OPCML: variants seen among roughly 807,000 people sequenced by gnomAD.
The protein encoded by OPCML is opioid binding protein/cell adhesion molecule like.
In OPCML, 13 loss-of-function variants were observed where a neutral mutation model predicts 37.8. The observed-to-expected ratio is 0.34, with a 90% CI of 0.22 to 0.55. OPCML has a LOEUF of 0.55. Among genes scored for constraint, OPCML ranks in the 20% least tolerant of loss-of-function variants. The pLI is 0.91. For synonymous variants in OPCML, 176 were observed against 168.8 expected (o/e 1.04, Z -0.33); for missense variants, 341 against 435.6 (o/e 0.78, Z 1.93).
At chr11:133,407,754 G>T (rs1199158306) in intron 1 of OPCML, among the ~76,000 whole-genome samples, 2 of 152,176 alleles carry the variant, frequency 1.3e-5, no homozygotes, top group Admixed American at 6.5e-5. Flanking sequence ...GAGGAGAGTG[G>T]ACTAGGTCAG....
intron 1 of OPCML, among the ~76,000 whole-genome samples, chr11:133,375,731 A>T (rs553212895): frequency 6.6e-6 from 1 of 152,280 alleles, no homozygotes; most frequent in South Asian, 2.1e-4. Context: ...AAAAATGTAT[A>T]GTCTCTATTA....
At chr11:132,707,287 C>T (rs1013042461) in intron 2 of OPCML, among the ~76,000 whole-genome samples, 3 of 152,118 alleles carry the variant, frequency 2.0e-5, no homozygotes, top group African/African-American at 4.8e-5. Context: ...CAGGATGAGA[C>T]GGCAACAAAC....
Position 132,596,985 on chromosome 11 carries a change from C to T in OPCML, c.379+60102G>A, listed in dbSNP as rs143140835. The stretch of plus-strand genomic sequence containing the variant: ...GAATTTCTAGTAGCTATATCACCAC[C>T]CTCACCCCCAACCTACTCCTTCTCT... On this transcript the variant is annotated intron_variant, in intron 3 of 7. Transcript: ENST00000524381. Among the ~76,000 whole-genome samples, 194 of 152,246 alleles carry T rather than the reference C, an allele frequency of 1.3e-3. 1 individual carries two copies. The highest frequency in any genetic ancestry group is 4.6e-3 in the African/African-American group (190 of 41,546).
At chr11:132,950,550 C>G (rs190373941) in intron 1 of OPCML, among the ~76,000 whole-genome samples, 1 of 152,100 alleles carries the variant, frequency 6.6e-6, no homozygotes, top group South Asian at 2.1e-4. Flanking sequence ...GACATCAGGA[C>G]GACAGTGGGA....
At chr11:132,982,477 C>T (rs1401169718) in intron 1 of OPCML, among the ~76,000 whole-genome samples, 1 of 127,688 alleles carries the variant, frequency 7.8e-6, no homozygotes, top group South Asian at 2.4e-4. Context: ...TTGGACAAGA[C>T]AAGAAAGTAA....
intron 1 of OPCML, chr11:133,067,019 G>C (rs965199363): frequency 6.6e-6 from 1 of 152,150 alleles, no homozygotes; most frequent in Non-Finnish European, 1.5e-5. Context: ...AAGTTATCTA[G>C]AGGTAAAACC....
intron 3 of OPCML, among the ~76,000 whole-genome samples, chr11:132,641,800 G>A (rs535822905): frequency 6.6e-6 from 1 of 152,224 alleles, no homozygotes; most frequent in African/African-American, 2.4e-5. Context: ...CAGAACCAAG[G>A]ACTGGGAAGC....
chr11:132,470,555 T>C (rs1470897982), intron 4 of OPCML, among the ~76,000 whole-genome samples: 3 of 152,228 alleles, frequency 2.0e-5, no homozygotes, highest in Non-Finnish European at 4.4e-5. Flanking sequence ...TATGTGAGCA[T>C]GAACGCATGA....
chr11:132,554,674 T>C (rs541638046), intron 3 of OPCML, among the ~76,000 whole-genome samples: 5 of 152,190 alleles, frequency 3.3e-5, no homozygotes, highest in African/African-American at 4.8e-5. Flanking sequence ...CACTGTCACA[T>C]TGAGGTTTGC....
At chr11:133,447,015 G>A (rs1286256140) in intron 1 of OPCML, among the ~76,000 whole-genome samples, 3 of 152,146 alleles carry the variant, frequency 2.0e-5, no homozygotes, top group African/African-American at 7.2e-5. Flanking sequence ...TCTCTTTGCA[G>A]ACATATCTTT....
chr11:132,941,014 C>T (rs1393970449), intron 2 of OPCML, among the ~76,000 whole-genome samples: 2 of 149,174 alleles, frequency 1.3e-5, no homozygotes, highest in Non-Finnish European at 1.5e-5. Context: ...CATGTGCTTA[C>T]TTAAAAAAAA....
intron 1 of OPCML, chr11:133,025,366 G>A: frequency 1.0e-6 from 1 of 985,280 alleles, no homozygotes. Context: ...ATAACTTGTT[G>A]CCTAATGGCT....
At chr11:133,041,813 A>G (rs564283214) in intron 1 of OPCML, among the ~76,000 whole-genome samples, 47 of 152,258 alleles carry the variant, frequency 3.1e-4, no homozygotes, top group African/African-American at 1.1e-3. Flanking sequence ...ACATCACTCT[A>G]TATAGGTCTT....
intron 1 of OPCML, among the ~76,000 whole-genome samples, chr11:133,127,753 T>A (rs1175036849): frequency 6.6e-6 from 1 of 152,036 alleles, no homozygotes; most frequent in South Asian, 2.1e-4. Flanking sequence ...CAATTTATCA[T>A]CTAATTAAGA....
intron 2 of OPCML, among the ~76,000 whole-genome samples, chr11:132,825,828 GA>G (rs1450937855): frequency 1.3e-5 from 2 of 152,218 alleles, no homozygotes; most frequent in Non-Finnish European, 2.9e-5. Flanking sequence ...TTTGGGTTGG[GA>G]GTCCTAGAAA....
At chr11:132,604,513 T>C (rs1938144156) in intron 3 of OPCML, among the ~76,000 whole-genome samples, 1 of 152,192 alleles carries the variant, frequency 6.6e-6, no homozygotes, top group South Asian at 2.1e-4. Context: ...CCCTCTCTGA[T>C]GCCCTTATGA....
At chr11:132,509,290 TA>T (rs1227790060) in intron 4 of OPCML, among the ~76,000 whole-genome samples, 1 of 152,024 alleles carries the variant, frequency 6.6e-6, no homozygotes, top group African/African-American at 2.4e-5. Context: ...CATTCAGTTT[TA>T]AAAGGGAAAC....
chr11:132,464,985 C>A (rs958965519), intron 4 of OPCML, among the ~76,000 whole-genome samples: 1 of 152,024 alleles, frequency 6.6e-6, no homozygotes, highest in Non-Finnish European at 1.5e-5. Flanking sequence ...ATATACATAT[C>A]GATCTTTTTT....
chr11:133,313,448 C>T lies in OPCML; in HGVS notation c.61+218816G>A, dbSNP rs781155867. On this transcript the variant is annotated intron_variant, in intron 1 of 7. Coordinates refer to ENST00000524381, the MANE Select transcript of OPCML (RefSeq NM_001012393.5). Reference sequence around the variant, plus strand: ...CTTCCAAGAACCTGTGAATGCATTACTTTACATGGCAAAAGGGATTTTTGC... The same window carrying T: ...CTTCCAAGAACCTGTGAATGCATTATTTTACATGGCAAAAGGGATTTTTGC... Among the ~76,000 whole-genome samples the T allele has an allele frequency of 3.9e-4, 59 of 152,214 alleles. 1 individual carries two copies. Among genetic ancestry groups the T allele is most frequent in the Admixed American group, 1.2e-3 (18 of 15,278 alleles).
Sources: gnomAD v4.1 joint callset for allele counts (sites outside exome capture counted in the v4.1 genomes callset) on GRCh38, gnomAD v4.1.1 for gene constraint, MANE v1.5 for transcripts, NCBI Gene and HGNC (gene_info 2026-07-23, HGNC 2026-07-21) for gene names.